Variants in AGGF1 observed in about 807,000 individuals in gnomAD.
The protein encoded by AGGF1 is angiogenic factor with G patch and FHA domains 1.
AGGF1 carries 56 observed loss-of-function variants against 86.5 expected under a neutral mutation model. The ratio of observed to expected loss-of-function variants is 0.65; its 90% CI spans 0.52 to 0.81. The LOEUF is 0.81. Ranked by LOEUF, AGGF1 falls within the 30% of genes least tolerant of loss-of-function variation. The probability of loss-of-function intolerance (pLI) is 0.00; values close to 1 mark genes in which losing one functional copy is unlikely to be tolerated. For missense variants in AGGF1, 816 were observed against 850.9 expected, an observed-to-expected ratio of 0.96 and a Z score of 0.51; for synonymous variants, 313 against 297.1, an observed-to-expected ratio of 1.05 and a Z score of -0.55.
intron 5 of AGGF1, 97 bp from the exon 6 acceptor site, chr5:77,046,250 T>A (rs1453781772): frequency 2.9e-6 from 3 of 1,036,554 alleles, no homozygotes; most frequent in African/African-American, 1.6e-5. Flanking sequence ...CTGACACATA[T>A]CTTCACGAAT....
chr5:77,056,527 C>G (rs576888340), intron 11 of AGGF1, among the ~76,000 whole-genome samples: 1 of 147,604 alleles, frequency 6.8e-6, no homozygotes, highest in East Asian at 2.0e-4. Context: ...TGTGCCCGGC[C>G]AAGAGTGGTC....
At chr5:77,037,001 A>G (rs1032461296) in intron 4 of AGGF1, among the ~76,000 whole-genome samples, 16 of 152,216 alleles carry the variant, frequency 1.1e-4, no homozygotes, top group Non-Finnish European at 1.6e-4. Flanking sequence ...ATACATACTC[A>G]GTGCCTGATA....
rs527928197 is a variant in AGGF1 at position 77,059,018 on chromosome 5, G to GT, written c.1717-592dup. ...AAACTATTGTTGCCAGGGTAAATGG[G>GT]TTTTTTAAAAGTCTCTACATTTCTC... On this transcript the variant is annotated intron_variant, in intron 11 of 13. Transcript: ENST00000312916. Among the ~76,000 whole-genome samples the GT allele has an allele frequency of 1.4e-4, 22 of 152,222 alleles. 1 individual carries two copies. In the South Asian group the frequency reaches 3.5e-3, roughly 24 times the overall value.
In AGGF1 at chr5:77,054,252, A is replaced by G. The variant is rs960506211; in HGVS notation, c.1633+122A>G. ...TTGATACGATACTGCATTGAGAGAT[A>G]TTTTATACAAAGCTATCAGTCTTGT... On this transcript the variant is annotated intron_variant, in intron 10 of 13. Transcript: ENST00000312916. 1.2e-5 allele frequency: 14 copies of G among 1,178,580 alleles called. No individual in the cohort carries two copies. In the South Asian group the frequency reaches 1.7e-4, roughly 14 times the overall value. 73.0% of individuals were successfully genotyped at this position (1,178,580 alleles called of 1,614,324 possible).
At chr5:77,061,656 C>A (rs774390914) in intron 12 of AGGF1, 47 bp from the exon 13 acceptor site, 4 of 1,529,610 alleles carry the variant, frequency 2.6e-6, no homozygotes, top group Non-Finnish European at 3.6e-6. Flanking sequence ...TAAATGTGAC[C>A]TAAAAGATCT....
At chr5:77,041,957 C>A (rs921114106) in intron 5 of AGGF1, among the ~76,000 whole-genome samples, 6 of 150,530 alleles carry the variant, frequency 4.0e-5, no homozygotes, top group East Asian at 2.0e-4. Flanking sequence ...GAGGACCCTG[C>A]GGCCTTCCGC....
intron 10 of AGGF1, among the ~76,000 whole-genome samples, chr5:77,055,109 A>G (rs1035895010): frequency 2.0e-5 from 3 of 152,162 alleles, no homozygotes; most frequent in Admixed American, 6.6e-5. Flanking sequence ...TTCTGATACT[A>G]ATTTGAAAAT....
Position 77,048,265 on chromosome 5 carries a change from A to T in AGGF1, c.1306A>T (p.Ile436Phe), listed in dbSNP as rs2150732143. ...FIITAVNPAT[I>F]GREKDMEHTL... ...CATTACTGCTGTAAACCCTGCTACA[A>T]TTGGAAGGTAAAATGGTTAATATTA... The change falls in exon 7 of 14, where the codon ATT becomes TTT. Residue 436 changes from isoleucine to phenylalanine, a missense_variant. Transcript: ENST00000312916. The T allele has an allele frequency of 6.3e-7, 1 of 1,597,170 alleles. No individual in the cohort carries two copies. Among genetic ancestry groups the T allele is most frequent in the African/African-American group, 1.3e-5 (1 of 74,648 alleles).
In AGGF1 at chr5:77,033,341, G is replaced by A. The variant is rs534524678; in HGVS notation, c.211-1077G>A. Among the ~76,000 whole-genome samples the A allele has an allele frequency of 4.7e-5, 7 of 150,422 alleles. No individual in the cohort carries two copies. In the South Asian group the frequency reaches 1.2e-3, roughly 27 times the overall value. Reference sequence around the variant, plus strand: ...GTCTGATATTTTATGTGTAAAATTGGGGTTAGGACAACGAATATTTCAGGT... The same window carrying A: ...GTCTGATATTTTATGTGTAAAATTGAGGTTAGGACAACGAATATTTCAGGT... On this transcript the variant is annotated intron_variant, in intron 1 of 13. Transcript: ENST00000312916.
intron 8 of AGGF1, among the ~76,000 whole-genome samples, chr5:77,049,661 C>T (rs913262737): frequency 6.6e-6 from 1 of 151,596 alleles, no homozygotes; most frequent in South Asian, 2.1e-4. Flanking sequence ...GCAATCCTCC[C>T]GCCTCAGCCC....
intron 5 of AGGF1, among the ~76,000 whole-genome samples, chr5:77,045,982 G>A (rs1403635715): frequency 6.6e-6 from 1 of 152,154 alleles, no homozygotes; most frequent in African/African-American, 2.4e-5. Context: ...GACACCATTG[G>A]TCTAGGCTAT....
chr5:77,035,862 T>C, intron 3 of AGGF1, 119 bp downstream of exon 3: 1 of 872,616 alleles, frequency 1.1e-6, no homozygotes, highest in South Asian at 1.5e-5. Context: ...TTATAAACAT[T>C]CTTATGTGTA....
Position 77,063,122 on chromosome 5 carries a change from A to T in AGGF1, c.2015A>T (p.His672Leu), listed in dbSNP as rs2150736449. ...AAACCATCCTCATTTGAAGATGTTC[A>T]CCTTCTCCAAAACAAGAACAAAAAA... ...TGKPSSFEDV[H>L]LLQNKNKKNW... is the part of the protein sequence containing the mutation. The change falls in exon 14 of 14, where the codon CAC becomes CTC. Residue 672 changes from histidine to leucine, a missense_variant. Around this residue, in one of 3 missense-constraint regions of AGGF1, gnomAD observed 565 missense variants for 585.8 expected, o/e 0.96. Coordinates refer to ENST00000312916, the MANE Select transcript of AGGF1 (RefSeq NM_018046.5). The T allele has an allele frequency of 6.2e-7, 1 of 1,614,092 alleles. No homozygotes were observed. Among genetic ancestry groups the T allele is most frequent in the Admixed American group, 1.7e-5 (1 of 59,996 alleles).
At chr5:77,032,300 G>C (rs1746878885) in intron 1 of AGGF1, among the ~76,000 whole-genome samples, 2 of 150,330 alleles carry the variant, frequency 1.3e-5, no homozygotes. Flanking sequence ...GGGCGCGGTG[G>C]CTCACGCCTG....
rs574491554 is a variant in AGGF1 at position 77,063,377 on chromosome 5, A to C, written c.*125A>C. ...CACAGTTTACCTCTTCCTGATTCAG[A>C]AATGTGTATGGTTTGCAGCTTTTAA... On this transcript the variant is annotated 3_prime_UTR_variant, in exon 14 of 14. Coordinates refer to ENST00000312916, the MANE Select transcript of AGGF1 (RefSeq NM_018046.5). The C allele has an allele frequency of 9.5e-7, 1 of 1,047,796 alleles. No homozygotes were observed. The highest frequency in any genetic ancestry group is 1.6e-5 in the African/African-American group (1 of 61,622). The allele number at this position is 1,047,796 out of a possible 1,614,324, so 64.9% of individuals were successfully genotyped here. A position where few individuals can be genotyped will look rare whatever the true frequency, so the allele number is the denominator to read the frequency against.
chr5:77,039,591 GGTCGTTATCA>G lies in AGGF1; in HGVS notation c.745_754del (p.Arg249PhefsTer5). 1 of 1,613,060 alleles carries G rather than the reference GGTCGTTATCA, an allele frequency of 6.2e-7. No individual in the cohort carries two copies. Among genetic ancestry groups the G allele is most frequent in the East Asian group, 2.2e-5 (1 of 44,738 alleles). On this transcript the variant is annotated frameshift_variant, in exon 5 of 14. Coordinates refer to ENST00000312916, the MANE Select transcript of AGGF1 (RefSeq NM_018046.5). LOFTEE classifies it high-confidence loss of function. Reference sequence around the variant, plus strand: ...TTATTACTATTGTGATGTGGAAAGTGGTCGTTATCAGTTTCATTCTCGAGTAGATTTGCAA... The same window carrying G: ...TTATTACTATTGTGATGTGGAAAGTGGTTTCATTCTCGAGTAGATTTGCAA...
chr5:77,049,902 CCT>C (rs1296396415), intron 8 of AGGF1, among the ~76,000 whole-genome samples: 3 of 152,032 alleles, frequency 2.0e-5, no homozygotes, highest in Non-Finnish European at 4.4e-5. Flanking sequence ...TTTTCTCTCT[CCT>C]CTCTTATGGT....
chr5:77,035,525 CATTT>C lies in AGGF1; in HGVS notation c.314-15_314-12del. The C allele has an allele frequency of 6.3e-7, 1 of 1,591,116 alleles. No homozygotes were observed. Among genetic ancestry groups the C allele is most frequent in the African/African-American group, 1.3e-5 (1 of 74,546 alleles). On this transcript the variant is annotated splice_polypyrimidine_tract_variant and intron_variant, in intron 2 of 13. Transcript: ENST00000312916. ...ATTCTAATATGATACGATTTCACTT[CATTT>C]TTTTGCTACAGATTATTTTTATCAG...
Position 77,035,691 on chromosome 5 carries a change from G to A in AGGF1, c.464G>A (p.Arg155Lys). 4 of 1,613,588 alleles carry A rather than the reference G, an allele frequency of 2.5e-6. No individual in the cohort carries two copies. Among genetic ancestry groups the A allele is most frequent in the Middle Eastern group, 1.7e-4 (1 of 6,056 alleles). Residue 155 changes from arginine to lysine, a missense_variant, in exon 3 of 14, where the codon AGA becomes AAA. Coordinates refer to ENST00000312916, the MANE Select transcript of AGGF1 (RefSeq NM_018046.5). The part of the protein sequence containing the change: ...VENDAYPGTD[R>K]TENVKYRQVD... ...AATGATGCTTACCCTGGTACCGATAGAACAGAAAATGTTAAATATAGACAA... is the reference window on the plus strand; with the variant it reads ...AATGATGCTTACCCTGGTACCGATAAAACAGAAAATGTTAAATATAGACAA...
Sources: allele counts gnomAD v4.1 joint callset (sites outside exome capture counted in the v4.1 genomes callset), GRCh38; gene constraint gnomAD v4.1.1; regional missense constraint gnomAD v4.1.1; transcripts MANE v1.5; gene names NCBI Gene and HGNC (gene_info 2026-07-23, HGNC 2026-07-21).